ARHGAP10: variants seen among roughly 807,000 people sequenced by gnomAD.
ARHGAP10 encodes Rho GTPase activating protein 10, also known as rho GTPase-activating protein 10.
A neutral mutation model predicts 108.6 loss-of-function variants in ARHGAP10; 87 were observed. The ratio of observed to expected loss-of-function variants is 0.80; its 90% CI spans 0.67 to 0.96. The LOEUF (loss-of-function observed/expected upper bound fraction) is 0.96. Among genes scored for constraint, ARHGAP10 ranks in the 40% least tolerant of loss-of-function variants. ARHGAP10 has a pLI of 0.00. For synonymous variants in ARHGAP10, 347 were observed against 341.1 expected, an observed-to-expected ratio of 1.02 and a Z score of -0.19; for missense variants, 939 against 954.5, an observed-to-expected ratio of 0.98 and a Z score of 0.21.
At chr4:148,022,137 C>G (rs1187461379) in intron 18 of ARHGAP10, among the ~76,000 whole-genome samples, 1 of 152,148 alleles carries the variant, frequency 6.6e-6, no homozygotes, top group Non-Finnish European at 1.5e-5. Flanking sequence ...GTGAGACATT[C>G]TCACAGTGCT....
rs145247214 is a variant in ARHGAP10, at chr4:147,756,425, T to G, written c.154+23970T>G. Reference sequence around the variant, plus strand: ...TCTCAGGAGTGTTTCTCCATTAACTTCAGTTAATCAGCAGGTCTTTGATGA... The same window carrying G: ...TCTCAGGAGTGTTTCTCCATTAACTGCAGTTAATCAGCAGGTCTTTGATGA... On this transcript the variant is annotated intron_variant, in intron 1 of 22. Transcript: ENST00000336498. Among the ~76,000 whole-genome samples, 16 of 152,318 alleles carry G rather than the reference T, an allele frequency of 1.1e-4. No individual in the cohort carries two copies. In the East Asian group the frequency reaches 2.9e-3, roughly 28 times the overall value.
At chr4:148,034,681 G>C (rs553104164) in intron 19 of ARHGAP10, among the ~76,000 whole-genome samples, 26 of 152,156 alleles carry the variant, frequency 1.7e-4, no homozygotes, top group African/African-American at 6.3e-4. Flanking sequence ...GAGGAATAGG[G>C]GAGGACAGGT....
At chr4:147,781,716 CG>C (rs1730544678) in intron 1 of ARHGAP10, among the ~76,000 whole-genome samples, 4 of 134,434 alleles carry the variant, frequency 3.0e-5, no homozygotes, top group Admixed American at 2.4e-4. Context: ...CTTGCTCTGT[CG>C]CCCAGGCTGG....
chr4:148,052,202 C>A (rs1729169248), intron 20 of ARHGAP10, among the ~76,000 whole-genome samples: 1 of 152,074 alleles, frequency 6.6e-6, no homozygotes, highest in Admixed American at 6.5e-5. Flanking sequence ...CCTGTCTTCA[C>A]TTCCTCCTTT....
chr4:147,786,148 A>G (rs763628593), intron 1 of ARHGAP10, among the ~76,000 whole-genome samples: 9 of 152,138 alleles, frequency 5.9e-5, no homozygotes, highest in Non-Finnish European at 1.2e-4. Flanking sequence ...TGAAATCTCT[A>G]AAGAGGTCTG....
intron 8 of ARHGAP10, among the ~76,000 whole-genome samples, chr4:147,876,375 G>C (rs571952805): frequency 1.3e-5 from 2 of 152,210 alleles, no homozygotes; most frequent in East Asian, 3.9e-4. Context: ...GGCAGATCAC[G>C]AGGTCAGGAG....
chr4:147,948,412 A>G (rs1401720545), intron 15 of ARHGAP10, among the ~76,000 whole-genome samples: 1 of 152,058 alleles, frequency 6.6e-6, no homozygotes, highest in Non-Finnish European at 1.5e-5. Flanking sequence ...GTCTTTTCAT[A>G]TTTGGTTTAA....
chr4:147,760,281 C>T (rs1404386900), intron 1 of ARHGAP10, among the ~76,000 whole-genome samples: 4 of 152,178 alleles, frequency 2.6e-5, no homozygotes, highest in African/African-American at 9.7e-5. Context: ...TTCACAATAA[C>T]TGAAGGAGGT....
At chr4:148,021,919 G>C (rs902118177) in intron 18 of ARHGAP10, among the ~76,000 whole-genome samples, 2 of 152,152 alleles carry the variant, frequency 1.3e-5, no homozygotes, top group Non-Finnish European at 2.9e-5. Context: ...TTACACATGA[G>C]GGGGCAGTAT....
At chr4:147,871,486 T>C (rs558576894) in intron 7 of ARHGAP10, among the ~76,000 whole-genome samples, 1 of 152,346 alleles carries the variant, frequency 6.6e-6, no homozygotes, top group Admixed American at 6.5e-5. Flanking sequence ...TTTAAAATAC[T>C]AAAATAATAA....
chr4:147,754,277 C>T lies in ARHGAP10; in HGVS notation c.154+21822C>T, dbSNP rs554013288. On this transcript the variant is annotated intron_variant, in intron 1 of 22. Transcript: ENST00000336498. Reference sequence around the variant, plus strand: ...CCAGGTGTCATTTACATAAGGCATACGATGCCTTTTGTAAGTAACTCCATA... The same window carrying T: ...CCAGGTGTCATTTACATAAGGCATATGATGCCTTTTGTAAGTAACTCCATA... Among the ~76,000 whole-genome samples the T allele has an allele frequency of 9.5e-4, 145 of 152,292 alleles. 1 individual carries two copies. The highest frequency in any genetic ancestry group is 3.2e-3 in the African/African-American group (132 of 41,560).
chr4:148,022,318 C>G (rs984222844), intron 18 of ARHGAP10, among the ~76,000 whole-genome samples: 9 of 152,180 alleles, frequency 5.9e-5, no homozygotes, highest in Non-Finnish European at 1.3e-4. Context: ...GTTTTATATT[C>G]ATGTTTTGTT....
intron 1 of ARHGAP10, chr4:147,782,739 A>C (rs1208719563): frequency 6.6e-6 from 1 of 152,096 alleles, no homozygotes; most frequent in African/African-American, 2.4e-5. Flanking sequence ...ACAGGAAAGA[A>C]GAGACTTCTG....
chr4:147,913,523 G>T (rs1736839229), intron 13 of ARHGAP10, among the ~76,000 whole-genome samples: 1 of 152,176 alleles, frequency 6.6e-6, no homozygotes, highest in African/African-American at 2.4e-5. Context: ...CACTTGGCTT[G>T]CAGGTGGCCC....
At chr4:147,956,847 GTAT>G (rs1738806539) in intron 16 of ARHGAP10, among the ~76,000 whole-genome samples, 1 of 151,190 alleles carries the variant, frequency 6.6e-6, no homozygotes, top group Non-Finnish European at 1.5e-5. Flanking sequence ...ACAATCATTA[GTAT>G]TATTACGCCC....
In ARHGAP10 at chr4:147,898,322, A is replaced by C. The variant is rs373521537; in HGVS notation, c.1035-8316A>C. Among the ~76,000 whole-genome samples, 4 of 152,240 alleles carry C rather than the reference A, an allele frequency of 2.6e-5. No homozygotes were observed. The East Asian group carries it at 7.7e-4, about 29-fold the overall frequency. ...AGATTTCCCCTTATACATCTTAAAG[A>C]AGTCATTTCATTGTCTTCAGGCTTC... On this transcript the variant is annotated intron_variant, in intron 10 of 22. Coordinates refer to ENST00000336498, the MANE Select transcript of ARHGAP10 (RefSeq NM_024605.4).
rs577738163 is a variant in ARHGAP10, at chr4:147,886,552, A to G, written c.1034+4620A>G. Among the ~76,000 whole-genome samples, 6 of 152,300 alleles carry G rather than the reference A, an allele frequency of 3.9e-5. No individual in the cohort carries two copies. The South Asian group carries it at 1.2e-3, about 32-fold the overall frequency. On this transcript the variant is annotated intron_variant, in intron 10 of 22. Transcript: ENST00000336498. ...CTTCCTTAACTAGTTGAAATTTCAT[A>G]GTCACTCATCACAGTCCCTTTTTAA...
intron 14 of ARHGAP10, among the ~76,000 whole-genome samples, chr4:147,942,421 G>A (rs933585511): frequency 6.6e-6 from 1 of 152,216 alleles, no homozygotes; most frequent in East Asian, 1.9e-4. Context: ...AGTGTTTTAA[G>A]TCTTATTTAA....
At chr4:147,743,553 G>A (rs895653795) in intron 1 of ARHGAP10, among the ~76,000 whole-genome samples, 5 of 152,024 alleles carry the variant, frequency 3.3e-5, no homozygotes, top group African/African-American at 1.2e-4. Context: ...TGAGGCGGGC[G>A]GATCACCTGA....
Sources: allele counts gnomAD v4.1 joint callset (sites outside exome capture counted in the v4.1 genomes callset), GRCh38; gene constraint gnomAD v4.1.1; transcripts MANE v1.5; gene names NCBI Gene and HGNC (gene_info 2026-07-23, HGNC 2026-07-21).